ALOX12: variants seen among roughly 807,000 people sequenced by gnomAD.
ALOX12 encodes the protein arachidonate 12-lipoxygenase, 12S type, also known as polyunsaturated fatty acid lipoxygenase ALOX12.
Under a neutral mutation model 85.5 loss-of-function variants are expected in ALOX12, and 62 were observed. The ratio of observed to expected loss-of-function variants is 0.73; its 90% CI spans 0.59 to 0.90. The LOEUF is 0.90. Ranked by LOEUF, ALOX12 falls within the 40% of genes least tolerant of loss-of-function variation. ALOX12 has a pLI of 0.00. For missense variants in ALOX12, 751 were observed against 856.5 expected (o/e 0.88, Z 1.54); for synonymous variants, 299 against 332.7 (o/e 0.90, Z 1.10).
intron 4 of ALOX12, 35 bp downstream of exon 4, chr17:6,998,872 G>T: frequency 6.2e-7 from 1 of 1,614,110 alleles, no homozygotes; most frequent in Non-Finnish European, 8.5e-7. Flanking sequence ...GTGAAATAAG[G>T]GCTGGGAGGG....
In ALOX12 at chr17:7,000,778, G is replaced by A. The variant is rs1430718534; in HGVS notation, c.951+299G>A. On this transcript the variant is annotated intron_variant, in intron 7 of 13. Transcript: ENST00000251535. This position sits in a 1 kb window ranked among gnomAD's most constrained non-coding sequence, Gnocchi z 4.6. Reference sequence around the variant, plus strand: ...TGCAGATTTCTGGATCCCATGACCAGACTTTCTGATTCAGTATGTCTGGGG... The same window carrying A: ...TGCAGATTTCTGGATCCCATGACCAAACTTTCTGATTCAGTATGTCTGGGG... 1.3e-5 allele frequency among the ~76,000 whole-genome samples: 2 copies of A among 152,240 alleles called. No individual in the cohort carries two copies. The highest frequency in any genetic ancestry group is 2.9e-5 in the Non-Finnish European group (2 of 68,004).
intron 8 of ALOX12, among the ~76,000 whole-genome samples, chr17:7,002,795 A>G (rs915696373): frequency 7.4e-4 from 113 of 152,328 alleles, no homozygotes; most frequent in African/African-American, 2.5e-3. Context: ...AAATGATACA[A>G]GCTTACAAAC....
In ALOX12 at chr17:7,000,341, T is replaced by C. The variant is rs763759102; in HGVS notation, c.813T>C (p.Gly271=). The C allele has an allele frequency of 2.5e-6, 4 of 1,614,082 alleles. No homozygotes were observed. The highest frequency in any genetic ancestry group is 1.7e-5 in the Admixed American group (1 of 60,018). The change falls in exon 7 of 14, where the codon GGT becomes GGC. Residue 271 remains glycine, a synonymous_variant. Coordinates refer to ENST00000251535, the MANE Select transcript of ALOX12 (RefSeq NM_000697.3). This position sits in a 1 kb window ranked among gnomAD's most constrained non-coding sequence, Gnocchi z 4.6. The part of the protein sequence containing the change: ...QAQLEKELQN[G]SLFEADFILL... ...TACATCCCTCCTGTCCCCAGAATGG[T>C]TCCCTGTTTGAAGCTGACTTCATCC...
intron 6 of ALOX12, 56 bp downstream of exon 6, chr17:6,999,522 G>A (rs781454389): frequency 5.6e-5 from 88 of 1,577,462 alleles, no homozygotes; most frequent in African/African-American, 1.5e-4. Flanking sequence ...TGGTGAGAAC[G>A]GACAGAGAGA....
chr17:6,996,878 T>A lies in ALOX12; in HGVS notation c.188T>A (p.Val63Glu). 6.2e-7 allele frequency: 1 copy of A among 1,614,010 alleles called. No individual in the cohort carries two copies. The highest frequency in any genetic ancestry group is 8.5e-7 in the Non-Finnish European group (1 of 1,179,882). The change falls in exon 2 of 14, where the codon GTG becomes GAG. Residue 63 changes from valine to glutamate, a missense_variant. By Grantham distance (121) the Val-to-Glu change is moderately radical. Transcript: ENST00000251535. Reference sequence around the variant, plus strand: ...GAGGACTTGGGGCTCCTGCAGTTCGTGAGGCTGCGCAAGCACCACTGGCTG... The same window carrying A: ...GAGGACTTGGGGCTCCTGCAGTTCGAGAGGCTGCGCAAGCACCACTGGCTG... ...VAEDLGLLQF[V>E]RLRKHHWLVD...
chr17:7,000,300 G>C lies in ALOX12; in HGVS notation c.808-36G>C, dbSNP rs201382882. 8.7e-6 allele frequency: 14 copies of C among 1,611,122 alleles called. No individual in the cohort carries two copies. The highest frequency in any genetic ancestry group is 1.7e-4 in the Middle Eastern group (1 of 5,962). On this transcript the variant is annotated intron_variant, in intron 6 of 13. Coordinates refer to ENST00000251535, the MANE Select transcript of ALOX12 (RefSeq NM_000697.3). The surrounding 1 kb of genome is among the most constrained non-coding windows in gnomAD (Gnocchi z 4.6). ...CCCCGGCCCCCTGGGGGTAGACTTT[G>C]AACTCTAAAAATGGATACATCCCTC...
chr17:6,996,797 T>A, intron 1 of ALOX12, 29 bp from the exon 2 acceptor site: 2 of 1,590,102 alleles, frequency 1.3e-6, no homozygotes, highest in Non-Finnish European at 1.7e-6. Context: ...TCCCTCCTAC[T>A]AAGTCTGGCC....
Position 7,001,753 on chromosome 17 carries a change from C to A in ALOX12, c.1103C>A (p.Ala368Asp). 6.2e-7 allele frequency: 1 copy of A among 1,614,088 alleles called. No individual in the cohort carries two copies. Among genetic ancestry groups the A allele is most frequent in the Non-Finnish European group, 8.5e-7 (1 of 1,179,988 alleles). ...QYHLLNTHLVAEVIAVATMRC... is the reference protein window; with the variant it reads ...QYHLLNTHLVDEVIAVATMRC... ...CACTTGCTGAACACTCACCTGGTGG[C>A]TGAGGTCATCGCTGTCGCCACCATG... is the stretch of plus-strand genomic sequence containing the variant. Residue 368 changes from alanine to aspartate, a missense_variant, in exon 8 of 14, where the codon GCT becomes GAT. Physicochemically the swap from Ala to Asp is moderately radical, Grantham distance 126 (BLOSUM62 -2). Transcript: ENST00000251535.
chr17:6,997,213 A>G, intron 2 of ALOX12, 186 bp downstream of exon 2: 1 of 879,074 alleles, frequency 1.1e-6, no homozygotes, highest in Non-Finnish European at 1.4e-6. Flanking sequence ...AGTTTTACAC[A>G]GGCTAAGAGA....
chr17:6,998,849 G>C lies in ALOX12; in HGVS notation c.542+12G>C, dbSNP rs1201348474. 1.2e-6 allele frequency: 2 copies of C among 1,614,194 alleles called. No individual in the cohort carries two copies. The highest frequency in any genetic ancestry group is 3.3e-5 in the Admixed American group (2 of 60,018). ...ACACTGAAGGCAGGGTGAGAAAAAG[G>C]CTAGACCTCGGAGTGAAATAAGGGC... On this transcript the variant is annotated intron_variant, in intron 4 of 13. Coordinates refer to ENST00000251535, the MANE Select transcript of ALOX12 (RefSeq NM_000697.3).
rs1908675114 is a variant in ALOX12, at chr17:7,000,920, C to T, written c.951+441C>T. Among the ~76,000 whole-genome samples, 1 of 151,546 alleles carries T rather than the reference C, an allele frequency of 6.6e-6. No individual in the cohort carries two copies. The highest frequency in any genetic ancestry group is 1.9e-4 in the East Asian group (1 of 5,142). On this transcript the variant is annotated intron_variant, in intron 7 of 13. Transcript: ENST00000251535. This position sits in a 1 kb window ranked among gnomAD's most constrained non-coding sequence, Gnocchi z 4.6. ...TCAGTGGCCTCTGGCTCTGAACCCT[C>T]GCCATCTCTTGAATATCTTTTCTCG...
intron 3 of ALOX12, 32 bp from the exon 4 acceptor site, chr17:6,998,683 A>G (rs1908564664): frequency 6.2e-7 from 1 of 1,607,826 alleles, no homozygotes. Context: ...TGACCATGAC[A>G]TCCTTCCTGA....
At position 7,000,952 on chromosome 17, in the gene ALOX12, C is replaced by CTT. The variant is rs35418388; in HGVS notation, c.951+484_951+485dup. On this transcript the variant is annotated intron_variant, in intron 7 of 13. Coordinates refer to ENST00000251535, the MANE Select transcript of ALOX12 (RefSeq NM_000697.3). The surrounding 1 kb of genome is among the most constrained non-coding windows in gnomAD (Gnocchi z 4.6). ...TCTTGAATATCTTTTCTCGCAATTT[C>CTT]TTTTTTTTTTTTGAGACAGAATCTC... Among the ~76,000 whole-genome samples, 7,487 of 149,026 alleles carry CTT rather than the reference C, an allele frequency of 0.05. 642 individuals carry two copies. The highest frequency in any genetic ancestry group is 0.17 in the African/African-American group (6,969 of 40,594).
chr17:6,998,512 G>A lies in ALOX12; in HGVS notation c.341G>A (p.Arg114His), dbSNP rs148560839. 5.6e-5 allele frequency: 91 copies of A among 1,611,594 alleles called. 1 individual carries two copies. The highest frequency in any genetic ancestry group is 5.0e-4 in the South Asian group (45 of 90,752). ...DILSLPEGTA[R>H]LPGDNALDMF... Reference sequence around the variant, plus strand: ...AATTGTCTTGATGTCTCCCCAGCCCGCCTGCCAGGAGACAATGCTTTGGAC... The same window carrying A: ...AATTGTCTTGATGTCTCCCCAGCCCACCTGCCAGGAGACAATGCTTTGGAC... The change falls in exon 3 of 14, where the codon CGC (arginine) becomes CAC (histidine). Residue 114 changes from arginine to histidine, a missense_variant. Arg to His is a conservative substitution (Grantham distance 29). Coordinates refer to ENST00000251535, the MANE Select transcript of ALOX12 (RefSeq NM_000697.3).
Position 6,998,981 on chromosome 17 carries a change from T to C in ALOX12, c.571T>C (p.Tyr191His), listed in dbSNP as rs144442382. 9.9e-6 allele frequency: 16 copies of C among 1,614,034 alleles called. No individual in the cohort carries two copies. In the African/African-American group the frequency reaches 2.0e-4, roughly 20 times the overall value. The change falls in exon 5 of 14, where the codon TAC becomes CAC. Residue 191 changes from tyrosine to histidine, a missense_variant. Tyr to His is a moderately conservative substitution (Grantham distance 83). Coordinates refer to ENST00000251535, the MANE Select transcript of ALOX12 (RefSeq NM_000697.3). ...GALEMALKRV[Y>H]TLLSSWNCLE... ...TCTGGAGATGGCCCTCAAACGTGTT[T>C]ACACCCTCCTGAGCTCCTGGAACTG...
rs545528989 is a variant in ALOX12, at chr17:6,996,753, G to A, written c.136-73G>A. The stretch of plus-strand genomic sequence containing the variant: ...CCTGAGAAACTGAGGTTGCACAGGA[G>A]CGCGGCTCTGTCCTCGAAACGGCCT... On this transcript the variant is annotated intron_variant, in intron 1 of 13. Coordinates refer to ENST00000251535, the MANE Select transcript of ALOX12 (RefSeq NM_000697.3). The A allele has an allele frequency of 2.7e-5, 40 of 1,506,276 alleles. No individual in the cohort carries two copies. The East Asian group carries it at 7.8e-4, about 29-fold the overall frequency. The allele number at this position is 1,506,276 out of a possible 1,614,324, so 93.3% of individuals were successfully genotyped here.
In ALOX12 at chr17:7,001,604, TCAGCCTCCCAACCC is replaced by T. The variant is rs1908713184; in HGVS notation, c.959_972del (p.Pro320LeufsTer45). The T allele has an allele frequency of 1.2e-6, 2 of 1,612,902 alleles. No homozygotes were observed. The highest frequency in any genetic ancestry group is 1.3e-5 in the African/African-American group (1 of 74,916). Reference sequence around the variant, plus strand: ...TCAATAATTTCTCTTTCTCCCAGATTCAGCCTCCCAACCCCAGCTCTCCAACCCCAACACTGTTC... The same window carrying T: ...TCAATAATTTCTCTTTCTCCCAGATTCAGCTCTCCAACCCCAACACTGTTC... On this transcript the variant is annotated frameshift_variant, in exon 8 of 14. Transcript: ENST00000251535. LOFTEE classifies it high-confidence loss of function.
rs1450557455 is a variant in ALOX12, at chr17:7,010,297, T to A, written c.1866T>A (p.Ala622=). Residue 622 remains alanine, a synonymous_variant, in exon 14 of 14, where the codon GCT becomes GCA. Coordinates refer to ENST00000251535, the MANE Select transcript of ALOX12 (RefSeq NM_000697.3). ...ATTTCTCAGGCCCCAAGCCCAAAGC[T>A]GTGCTAAACCAATTCCGAACAGATT... ...EKYFSGPKPK[A]VLNQFRTDLE... The A allele has an allele frequency of 3.1e-6, 5 of 1,614,084 alleles. No homozygotes were observed. Among genetic ancestry groups the A allele is most frequent in the South Asian group, 1.1e-5 (1 of 91,092 alleles).
In ALOX12 at chr17:6,998,599, C is replaced by G; in HGVS notation, c.419+9C>G. 1 of 1,612,508 alleles carries G rather than the reference C, an allele frequency of 6.2e-7. No homozygotes were observed. Among genetic ancestry groups the G allele is most frequent in the East Asian group, 2.2e-5 (1 of 44,862 alleles). On this transcript the variant is annotated intron_variant, in intron 3 of 13. Coordinates refer to ENST00000251535, the MANE Select transcript of ALOX12 (RefSeq NM_000697.3). The stretch of plus-strand genomic sequence containing the variant: ...AGACAGCAGATCTACTGGTGACCAC[C>G]CACCCCTTAAACTAACCCCGCCACC...
Sources: gnomAD v4.1 joint callset for allele counts (sites outside exome capture counted in the v4.1 genomes callset) on GRCh38, gnomAD v4.1.1 for gene constraint, Gnocchi (gnomAD v3.1) non-coding constraint, MANE v1.5 for transcripts, NCBI Gene and HGNC (gene_info 2026-07-23, HGNC 2026-07-21) for gene names.